The following GLG1 variants were observed in gnomAD, a reference collection of about 807,000 sequenced individuals.
GLG1 encodes Golgi apparatus protein 1.
In GLG1, 38 loss-of-function variants were observed where a neutral mutation model predicts 160.5. The observed-to-expected ratio is 0.24, with a 90% CI of 0.18 to 0.31. The LOEUF is 0.31. Ranked by LOEUF, GLG1 falls within the 10% of genes least tolerant of loss-of-function variation. GLG1 has a pLI of 1.00. For synonymous variants in GLG1, 644 were observed against 543.4 expected (o/e 1.19, Z -2.57); for missense variants, 1,373 against 1,505.2 (o/e 0.91, Z 1.45).
At chr16:74,509,544 T>G (rs2016732996) in intron 2 of GLG1, among the ~76,000 whole-genome samples, 1 of 151,908 alleles carries the variant, frequency 6.6e-6, no homozygotes, top group Non-Finnish European at 1.5e-5. Context: ...TTATCTTCAT[T>G]CATTCATTCA....
intron 25 of GLG1, among the ~76,000 whole-genome samples, chr16:74,454,437 G>A (rs1453707609): frequency 6.6e-6 from 1 of 151,216 alleles, no homozygotes; most frequent in African/African-American, 2.4e-5. Context: ...GGGAGGCTGA[G>A]ATGGTGGACC....
At chr16:74,503,249 G>C (rs1349860641) in intron 4 of GLG1, among the ~76,000 whole-genome samples, 1 of 151,960 alleles carries the variant, frequency 6.6e-6, no homozygotes, top group African/African-American at 2.4e-5. Context: ...CTTTGCCAGA[G>C]GCACATTACA....
In GLG1 at chr16:74,456,613, T is replaced by G. The variant is rs774116391; in HGVS notation, c.3372+36A>C. ...ATTGGTGAAGTGTTCCATATTTTTT[T>G]GTTTTTTTAAAAAAGGAGATTCTCT... On this transcript the variant is annotated intron_variant, in intron 25 of 25. Coordinates refer to ENST00000422840, the MANE Select transcript of GLG1 (RefSeq NM_001145667.2). 4 of 1,260,040 alleles carry G rather than the reference T, an allele frequency of 3.2e-6. No individual in the cohort carries two copies. In the African/African-American group the frequency reaches 5.9e-5, roughly 19 times the overall value. The allele number at this position is 1,260,040 out of a possible 1,614,324, so 78.1% of individuals were successfully genotyped here.
At chr16:74,477,970 T>C (rs147022170) in intron 11 of GLG1, among the ~76,000 whole-genome samples, 5,643 of 29,700 alleles carry the variant, frequency 0.19, 133 homozygotes, top group Non-Finnish European at 0.27. Context: ...CGAAACTCCG[T>C]CTCAAAAAAA....
rs34188953 is a variant in GLG1 at position 74,532,183 on chromosome 16, T to TA, written c.439-31dup. On this transcript the variant is annotated intron_variant, in intron 1 of 25. Transcript: ENST00000422840. ...AAGAGAAAAAAAAGAAGAGATGATGTAAAAAAAAAAATATATATATATATA... is the reference window on the plus strand; with the variant it reads ...AAGAGAAAAAAAAGAAGAGATGATGTAAAAAAAAAAAATATATATATATATA... 686 of 697,724 alleles carry TA rather than the reference T, an allele frequency of 9.8e-4. 50 individuals are homozygous for TA. Among genetic ancestry groups the TA allele is most frequent in the East Asian group, 2.8e-3 (85 of 29,970 alleles). 43.2% of individuals were successfully genotyped at this position (697,724 alleles called of 1,614,324 possible). A position where few individuals can be genotyped will look rare whatever the true frequency, so the allele number is the denominator to read the frequency against.
At chr16:74,596,180 C>T (rs1489042863) in intron 1 of GLG1, among the ~76,000 whole-genome samples, 1 of 152,130 alleles carries the variant, frequency 6.6e-6, no homozygotes, top group Non-Finnish European at 1.5e-5. Context: ...TGAGATCATG[C>T]CACTGCCCTC....
intron 4 of GLG1, among the ~76,000 whole-genome samples, chr16:74,498,019 C>A (rs1291019216): frequency 6.6e-6 from 1 of 152,134 alleles, no homozygotes; most frequent in Non-Finnish European, 1.5e-5. Flanking sequence ...TTCATTCATG[C>A]AAAATATGAG....
At chr16:74,535,181 G>GA (rs2017655061) in intron 1 of GLG1, among the ~76,000 whole-genome samples, 1 of 151,942 alleles carries the variant, frequency 6.6e-6, no homozygotes, top group Non-Finnish European at 1.5e-5. Flanking sequence ...CTGTTATGAA[G>GA]AAAAAATGAC....
chr16:74,485,700 G>C, intron 9 of GLG1, 96 bp downstream of exon 9: 1 of 1,116,818 alleles, frequency 9.0e-7, no homozygotes, highest in Admixed American at 2.4e-5. Context: ...TTTCAGTTAA[G>C]ATGTCAACAA....
chr16:74,520,608 C>T (rs1325716871), intron 2 of GLG1, among the ~76,000 whole-genome samples: 3 of 152,144 alleles, frequency 2.0e-5, no homozygotes, highest in African/African-American at 7.2e-5. Context: ...TGCACTCCAG[C>T]CCGGACAACA....
chr16:74,469,156 CA>C (rs1381569481), intron 16 of GLG1, 93 bp from the exon 17 acceptor site: 1 of 792,854 alleles, frequency 1.3e-6, no homozygotes. Context: ...ATTAAGAATT[CA>C]AGATGCCCTT....
chr16:74,493,968 A>C (rs2016092303), intron 6 of GLG1, among the ~76,000 whole-genome samples: 1 of 151,968 alleles, frequency 6.6e-6, no homozygotes, highest in Non-Finnish European at 1.5e-5. Flanking sequence ...TGAGGTCAGG[A>C]GTTTGAGAGC....
At chr16:74,602,947 G>A (rs1237325693) in intron 1 of GLG1, among the ~76,000 whole-genome samples, 2 of 151,958 alleles carry the variant, frequency 1.3e-5, no homozygotes, top group East Asian at 3.9e-4. Flanking sequence ...GATCACCTAA[G>A]GTGAGGAGTT....
chr16:74,594,926 C>T (rs1222733401), intron 1 of GLG1, among the ~76,000 whole-genome samples: 5 of 152,294 alleles, frequency 3.3e-5, no homozygotes, highest in African/African-American at 9.6e-5. Flanking sequence ...CGGTGGCTCA[C>T]GCCTGTAATC....
At chr16:74,494,887 A>T (rs1261118952) in intron 5 of GLG1, 56 bp from the exon 6 acceptor site, 5 of 850,404 alleles carry the variant, frequency 5.9e-6, no homozygotes, top group Admixed American at 1.7e-5. Context: ...TATGCTGAAC[A>T]TTATCCACAA....
chr16:74,595,415 T>C lies in GLG1; in HGVS notation c.438+11242A>G, dbSNP rs891890783. On this transcript the variant is annotated intron_variant, in intron 1 of 25. Transcript: ENST00000422840. The stretch of plus-strand genomic sequence containing the variant: ...AGCCGGTCGTGGTGGCGGGCGCCTG[T>C]AGTCCCAGCTACTCTGGAGGCTGAG... Among the ~76,000 whole-genome samples the C allele has an allele frequency of 1.5e-4, 22 of 151,498 alleles. No individual in the cohort carries two copies. In the Admixed American group the frequency reaches 1.5e-3, roughly 10 times the overall value.
chr16:74,533,046 C>T (rs2017588585), intron 1 of GLG1, among the ~76,000 whole-genome samples: 1 of 152,186 alleles, frequency 6.6e-6, no homozygotes, highest in African/African-American at 2.4e-5. Context: ...TCAGGCAGGG[C>T]ACGGTGGCTC....
At chr16:74,506,092 T>G (rs1488351125) in intron 3 of GLG1, among the ~76,000 whole-genome samples, 1 of 150,124 alleles carries the variant, frequency 6.7e-6, no homozygotes, top group African/African-American at 2.4e-5. Context: ...TTTTTTTTTT[T>G]TTTTTTTTTT....
Position 74,542,716 on chromosome 16 carries a change from G to GGAAGGAAGGGA in GLG1, c.439-10564_439-10563insTCCCTTCCTTC, listed in dbSNP as rs752290157. On this transcript the variant is annotated intron_variant, in intron 1 of 25. Coordinates refer to ENST00000422840, the MANE Select transcript of GLG1 (RefSeq NM_001145667.2). ...AAGGAGGGAGGGAGGAAGGGAAGAAGGGAAGGAAGGAAGGAAGGGAGGAAG... is the reference window on the plus strand; with the variant it reads ...AAGGAGGGAGGGAGGAAGGGAAGAAGGAAGGAAGGGAGGAAGGAAGGAAGGAAGGGAGGAAG... Among the ~76,000 whole-genome samples, 11 of 29,784 alleles carry GGAAGGAAGGGA rather than the reference G, an allele frequency of 3.7e-4. 1 individual carries two copies. In the East Asian group the frequency reaches 5.0e-3, roughly 13 times the overall value. The allele number at this position is 29,784 out of a possible 152,430, so 19.5% of individuals were successfully genotyped here.
Sources: allele counts gnomAD v4.1 joint callset (sites outside exome capture counted in the v4.1 genomes callset), GRCh38; gene constraint gnomAD v4.1.1; transcripts MANE v1.5; gene names NCBI Gene and HGNC (gene_info 2026-07-23, HGNC 2026-07-21).